DDR2: variants seen among roughly 807,000 people sequenced by gnomAD.
DDR2 encodes the protein discoidin domain receptor tyrosine kinase 2.
DDR2 carries 27 observed loss-of-function variants against 94.9 expected under a neutral mutation model. That is an observed-to-expected ratio of 0.28 (90% CI 0.21 to 0.39). The LOEUF (loss-of-function observed/expected upper bound fraction) is 0.39, where lower values mean the gene tolerates loss of function less well. Ranked by LOEUF, DDR2 falls within the 10% of genes least tolerant of loss-of-function variation. DDR2 has a pLI of 1.00. For missense variants in DDR2, 783 were observed against 1,076.0 expected (o/e 0.73, Z 3.81); for synonymous variants, 382 against 377.2 (o/e 1.01, Z -0.15).
chr1:162,636,848 C>T (rs1321232985), intron 1 of DDR2, among the ~76,000 whole-genome samples: 70 of 152,186 alleles, frequency 4.6e-4, no homozygotes, highest in Admixed American at 4.6e-3. Context: ...GGCAAATAAT[C>T]TAGCATTTTT....
At chr1:162,708,845 A>G (rs572117484) in intron 2 of DDR2, among the ~76,000 whole-genome samples, 1 of 152,322 alleles carries the variant, frequency 6.6e-6, no homozygotes, top group African/African-American at 2.4e-5. Flanking sequence ...TACTTACTAT[A>G]TAGGTGTTAA....
At chr1:162,772,883 T>G (rs1647301789) in intron 13 of DDR2, among the ~76,000 whole-genome samples, 1 of 152,200 alleles carries the variant, frequency 6.6e-6, no homozygotes, top group Non-Finnish European at 1.5e-5. Context: ...AATAAAACAT[T>G]TGGTTTCCTA....
intron 3 of DDR2, among the ~76,000 whole-genome samples, chr1:162,751,256 G>C (rs930205910): frequency 6.6e-6 from 1 of 152,052 alleles, no homozygotes; most frequent in East Asian, 1.9e-4. Context: ...ATCTGACAAA[G>C]GGCTAATATC....
At chr1:162,664,876 T>A (rs989371381) in intron 2 of DDR2, among the ~76,000 whole-genome samples, 2 of 152,206 alleles carry the variant, frequency 1.3e-5, no homozygotes, top group African/African-American at 4.8e-5. Flanking sequence ...TCCCTGGGAT[T>A]CTGAGAATTT....
rs1271951211 is a variant in DDR2 at position 162,784,437 on chromosome 1, A to G, written c.*4191A>G. The stretch of plus-strand genomic sequence containing the variant: ...TCTGTCCTCTGGCAGTGCATATGGT[A>G]GGTCTCTAATGTTTCTTCATCTCCA... On this transcript the variant is annotated 3_prime_UTR_variant, in exon 18 of 18. Transcript: ENST00000367921. The G allele has an allele frequency of 6.5e-6, 1 of 153,720 alleles. No homozygotes were observed. Among genetic ancestry groups the G allele is most frequent in the African/African-American group, 2.4e-5 (1 of 41,356 alleles). 9.5% of individuals were successfully genotyped at this position (153,720 alleles called of 1,614,324 possible).
chr1:162,750,312 A>T (rs1663120394), intron 3 of DDR2, among the ~76,000 whole-genome samples: 1 of 152,228 alleles, frequency 6.6e-6, no homozygotes, highest in South Asian at 2.1e-4. Flanking sequence ...ATACAAAATC[A>T]ATGTGCAAAA....
chr1:162,648,267 G>A (rs1304795326), intron 1 of DDR2, among the ~76,000 whole-genome samples: 5 of 152,114 alleles, frequency 3.3e-5, no homozygotes, highest in African/African-American at 1.2e-4. Flanking sequence ...GCTGCAAATT[G>A]AATAAGAATT....
intron 3 of DDR2, among the ~76,000 whole-genome samples, chr1:162,723,610 A>G (rs920493870): frequency 2.0e-5 from 3 of 152,162 alleles, no homozygotes; most frequent in Admixed American, 1.3e-4. Context: ...CACCCAGCCA[A>G]TTAGAGGATT....
At chr1:162,743,954 G>A (rs984165917) in intron 3 of DDR2, among the ~76,000 whole-genome samples, 2 of 152,156 alleles carry the variant, frequency 1.3e-5, no homozygotes, top group Non-Finnish European at 2.9e-5. Context: ...ACATATAAAT[G>A]GAAGCATACA....
rs150943725 is a variant in DDR2, at chr1:162,726,263, A to T, written c.82+7118A>T. Reference sequence around the variant, plus strand: ...TTTCCATTATTCTATACTGTCCTTTATATTTTAGTTTAATCATTTCATTAA... The same window carrying T: ...TTTCCATTATTCTATACTGTCCTTTTTATTTTAGTTTAATCATTTCATTAA... On this transcript the variant is annotated intron_variant, in intron 3 of 17. Coordinates refer to ENST00000367921, the MANE Select transcript of DDR2 (RefSeq NM_006182.4). Among the ~76,000 whole-genome samples, 582 of 152,296 alleles carry T rather than the reference A, an allele frequency of 3.8e-3. 3 individuals carry two copies. Among genetic ancestry groups the T allele is most frequent in the African/African-American group, 0.013 (526 of 41,554 alleles).
intron 2 of DDR2, among the ~76,000 whole-genome samples, chr1:162,694,000 C>G (rs763938761): frequency 6.6e-6 from 1 of 152,146 alleles, no homozygotes; most frequent in Non-Finnish European, 1.5e-5. Context: ...CTCAGCCTCT[C>G]GAGTAGCTGG....
At chr1:162,751,356 CAAAAG>C (rs1663184203) in intron 3 of DDR2, among the ~76,000 whole-genome samples, 1 of 152,096 alleles carries the variant, frequency 6.6e-6, no homozygotes, top group Non-Finnish European at 1.5e-5. Context: ...AGAAATGTCT[CAAAAG>C]AAGATATTTA....
rs115016503 is a variant in DDR2 at position 162,643,258 on chromosome 1, G to A, written c.-192+10627G>A. Among the ~76,000 whole-genome samples the A allele has an allele frequency of 4.9e-3, 738 of 152,162 alleles. 9 individuals carry two copies. Among genetic ancestry groups the A allele is most frequent in the African/African-American group, 0.017 (710 of 41,470 alleles). ...TGTGCCTTTCCCTGAGCTGTAGAAA[G>A]TTCCACCTCTAGGTTTCCAGGTGCT... On this transcript the variant is annotated intron_variant, in intron 1 of 17. Coordinates refer to ENST00000367921, the MANE Select transcript of DDR2 (RefSeq NM_006182.4).
At chr1:162,725,402 G>A (rs1351003927) in intron 3 of DDR2, among the ~76,000 whole-genome samples, 1 of 151,964 alleles carries the variant, frequency 6.6e-6, no homozygotes, top group Non-Finnish European at 1.5e-5. Context: ...TTTTGGAGAG[G>A]GCATGTTGCT....
At chr1:162,714,025 A>T (rs570723149) in intron 2 of DDR2, among the ~76,000 whole-genome samples, 1 of 152,246 alleles carries the variant, frequency 6.6e-6, no homozygotes, top group South Asian at 2.1e-4. Context: ...GCATTCAACT[A>T]CTGCTTTAAT....
intron 5 of DDR2, 48 bp downstream of exon 5, chr1:162,754,903 G>C (rs2102135587): frequency 3.7e-6 from 6 of 1,607,896 alleles, no homozygotes; most frequent in Non-Finnish European, 5.1e-6. Context: ...ACCATATTTT[G>C]ACTTAGGCTA....
At chr1:162,750,656 A>T (rs1420500473) in intron 3 of DDR2, among the ~76,000 whole-genome samples, 4 of 152,214 alleles carry the variant, frequency 2.6e-5, no homozygotes, top group East Asian at 1.9e-4. Context: ...TTTAAAGTTC[A>T]TATGGAACCA....
chr1:162,706,778 G>A (rs1011170838), intron 2 of DDR2, among the ~76,000 whole-genome samples: 1 of 152,164 alleles, frequency 6.6e-6, no homozygotes, highest in Admixed American at 6.5e-5. Context: ...AGCTTCCTGA[G>A]TGGAGATGGA....
chr1:162,735,551 A>G (rs571010012), intron 3 of DDR2, among the ~76,000 whole-genome samples: 1 of 152,336 alleles, frequency 6.6e-6, no homozygotes, highest in South Asian at 2.1e-4. Context: ...TCCTGGAAGC[A>G]TATTTTGAGG....
Sources: allele counts gnomAD v4.1 joint callset (sites outside exome capture counted in the v4.1 genomes callset), GRCh38; gene constraint gnomAD v4.1.1; transcripts MANE v1.5; gene names NCBI Gene and HGNC (gene_info 2026-07-23, HGNC 2026-07-21).